PREX1: variants seen among roughly 807,000 people sequenced by gnomAD.
PREX1 encodes the protein phosphatidylinositol-3,4,5-trisphosphate dependent Rac exchange factor 1, also known as phosphatidylinositol 3,4,5-trisphosphate-dependent Rac exchanger 1 protein.
Under a neutral mutation model 198.3 loss-of-function variants are expected in PREX1, and 41 were observed. The observed-to-expected ratio is 0.21, with a 90% confidence interval of 0.16 to 0.27. PREX1 has a LOEUF of 0.27. Ranked by LOEUF, PREX1 falls within the 10% of genes least tolerant of loss-of-function variation. PREX1 has a pLI of 1.00. For missense variants in PREX1, 1,620 were observed against 2,200.7 expected (o/e 0.74, Z 5.28); for synonymous variants, 843 against 887.2 (o/e 0.95, Z 0.89).
Position 48,653,424 on chromosome 20 carries a change from G to A in PREX1, c.2283C>T (p.Asn761=), listed in dbSNP as rs757905308. The change falls in exon 20 of 40, where the codon AAC becomes AAT. Residue 761 remains asparagine (N), a synonymous_variant. Transcript: ENST00000371941. ...ILKVNGSNVM[N]DGAPEVLEHF... is the part of the protein sequence containing the mutation. Reference sequence around the variant, plus strand: ...GCTCCAGGACCTCAGGGGCACCATCGTTCATCACGTTGCTGCCATTGACCT... The same window carrying A: ...GCTCCAGGACCTCAGGGGCACCATCATTCATCACGTTGCTGCCATTGACCT... 5.6e-6 allele frequency: 9 copies of A among 1,613,740 alleles called. No homozygotes were observed. The highest frequency in any genetic ancestry group is 4.5e-5 in the East Asian group (2 of 44,894).
chr20:48,648,221 A>C (rs1326048348), intron 25 of PREX1, among the ~76,000 whole-genome samples: 1 of 152,206 alleles, frequency 6.6e-6, no homozygotes, highest in Non-Finnish European at 1.5e-5. Context: ...GGAGTATTTA[A>C]AACAAGTCCA....
chr20:48,797,763 G>A (rs753132503), intron 1 of PREX1, among the ~76,000 whole-genome samples: 3 of 152,170 alleles, frequency 2.0e-5, no homozygotes, highest in Non-Finnish European at 4.4e-5. Flanking sequence ...GCTCTGTCCC[G>A]ACTTTCCCGG....
intron 18 of PREX1, among the ~76,000 whole-genome samples, chr20:48,656,073 C>T (rs1050893593): frequency 7.2e-5 from 11 of 152,156 alleles, no homozygotes; most frequent in Non-Finnish European, 1.5e-4. Context: ...TTCCACATAC[C>T]AACCCATCGA....
Position 48,827,388 on chromosome 20 carries a change from C to T in PREX1, c.219+254G>A, listed in dbSNP as rs1170179436. 6.6e-6 allele frequency among the ~76,000 whole-genome samples: 1 copy of T among 152,204 alleles called. No individual in the cohort carries two copies. The highest frequency in any genetic ancestry group is 2.4e-5 in the African/African-American group (1 of 41,446). ...AAAGGCGGGGACGGGGAAGAAAAGA[C>T]AAAAGGGCAGCGCGCGCCGCGGGGA... On this transcript the variant is annotated intron_variant, in intron 1 of 39. Transcript: ENST00000371941. This position sits in a 1 kb window ranked among gnomAD's most constrained non-coding sequence, Gnocchi z 4.1.
intron 15 of PREX1, 59 bp from the exon 16 acceptor site, chr20:48,660,120 T>C: frequency 6.3e-7 from 1 of 1,599,292 alleles, no homozygotes; most frequent in Admixed American, 1.7e-5. Flanking sequence ...TTCAGCCATG[T>C]TTGCCAACTG....
chr20:48,729,601 G>A (rs769849351), intron 4 of PREX1, among the ~76,000 whole-genome samples: 1 of 152,114 alleles, frequency 6.6e-6, no homozygotes, highest in African/African-American at 2.4e-5. Context: ...CCAGTTGCTT[G>A]GGCCCAAAAC....
chr20:48,631,711 G>C (rs1000459357), intron 35 of PREX1, among the ~76,000 whole-genome samples: 8 of 152,200 alleles, frequency 5.3e-5, no homozygotes, highest in Non-Finnish European at 4.4e-5. Flanking sequence ...CTCTGTCACA[G>C]AGGGAGGTGG....
intron 4 of PREX1, among the ~76,000 whole-genome samples, chr20:48,733,313 T>G (rs1189340526): frequency 2.0e-5 from 3 of 152,186 alleles, no homozygotes; most frequent in African/African-American, 7.2e-5. Context: ...TAGGCTCTAT[T>G]GTATGGGTAG....
At chr20:48,725,968 C>T (rs549351825) in intron 5 of PREX1, among the ~76,000 whole-genome samples, 4 of 152,356 alleles carry the variant, frequency 2.6e-5, no homozygotes, top group Non-Finnish European at 5.9e-5. Flanking sequence ...ATGACCTTCC[C>T]CTGGCTGCAG....
intron 20 of PREX1, among the ~76,000 whole-genome samples, chr20:48,653,153 C>G (rs1174350437): frequency 6.6e-6 from 1 of 152,132 alleles, no homozygotes; most frequent in Non-Finnish European, 1.5e-5. Context: ...AAACCGAGAC[C>G]CCCGGGTATC....
the PREX1 span, among the ~76,000 whole-genome samples, chr20:48,864,118 C>T: frequency 0.12 from 18,106 of 152,194 alleles, 1,289 homozygotes; most frequent in Non-Finnish European, 0.16. Flanking sequence ...AGCAATGACA[C>T]ATGATCACTG....
chr20:48,867,814 T>C, the PREX1 span, among the ~76,000 whole-genome samples: 4 of 151,294 alleles, frequency 2.6e-5, no homozygotes, highest in South Asian at 2.1e-4. Context: ...AACAAACAAA[T>C]AAATAAATAA....
At chr20:48,690,856 C>A (rs2089815185) in intron 9 of PREX1, 91 bp downstream of exon 9, 1 of 1,559,454 alleles carries the variant, frequency 6.4e-7, no homozygotes, top group East Asian at 2.2e-5. Context: ...TGAAAAGGAC[C>A]CTATGCCCCT....
At position 48,657,937 on chromosome 20, in the gene PREX1, ACT is replaced by A. The variant is rs530562029; in HGVS notation, c.1974+197_1974+198del. ...AACACACCAGGAGCACAGCCCCGGG[ACT>A]CTGCACTCACTCCCAGCTACTGTAG... On this transcript the variant is annotated intron_variant, in intron 17 of 39. Coordinates refer to ENST00000371941, the MANE Select transcript of PREX1 (RefSeq NM_020820.4). Among the ~76,000 whole-genome samples the A allele has an allele frequency of 1.1e-3, 165 of 152,150 alleles. 1 individual carries two copies. The highest frequency in any genetic ancestry group is 3.9e-3 in the African/African-American group (161 of 41,498).
intron 1 of PREX1, among the ~76,000 whole-genome samples, chr20:48,775,571 G>A (rs1049262894): frequency 2.4e-4 from 36 of 152,188 alleles, no homozygotes; most frequent in Admixed American, 2.1e-3. Context: ...GGGGTGATAT[G>A]GTTTGGCTGT....
At chr20:48,660,993 C>G (rs549261891) in intron 15 of PREX1, among the ~76,000 whole-genome samples, 1 of 152,338 alleles carries the variant, frequency 6.6e-6, no homozygotes, top group East Asian at 1.9e-4. Flanking sequence ...TGGCACACAG[C>G]TACGGCCATT....
intron 15 of PREX1, among the ~76,000 whole-genome samples, chr20:48,664,710 C>A (rs939512364): frequency 6.6e-6 from 1 of 152,262 alleles, no homozygotes; most frequent in Non-Finnish European, 1.5e-5. Flanking sequence ...CCTCTAAACC[C>A]GCACGATCTG....
chr20:48,873,994 C>G, the PREX1 span, among the ~76,000 whole-genome samples: 2 of 152,146 alleles, frequency 1.3e-5, no homozygotes. Flanking sequence ...AGCAATCCTC[C>G]CATCTCAGCC....
rs1333132613 is a variant in PREX1, at chr20:48,624,278, A to G, written c.*1607T>C. 6.6e-6 allele frequency: 1 copy of G among 152,586 alleles called. No homozygotes were observed. The highest frequency in any genetic ancestry group is 1.5e-5 in the Non-Finnish European group (1 of 68,042). The allele number at this position is 152,586 out of a possible 1,614,324, so 9.5% of individuals were successfully genotyped here. A position where few individuals can be genotyped will look rare whatever the true frequency, so the allele number is the denominator to read the frequency against. On this transcript the variant is annotated 3_prime_UTR_variant, in exon 40 of 40. Coordinates refer to ENST00000371941, the MANE Select transcript of PREX1 (RefSeq NM_020820.4). The stretch of plus-strand genomic sequence containing the variant: ...TTGTATTATAAACTGACTTTTAATA[A>G]TAATAAAAAATCTATCAAGAATTTA...
Sources: gnomAD v4.1 joint callset for allele counts (sites outside exome capture counted in the v4.1 genomes callset) on GRCh38, gnomAD v4.1.1 for gene constraint, Gnocchi (gnomAD v3.1) non-coding constraint, MANE v1.5 for transcripts, NCBI Gene and HGNC (gene_info 2026-07-23, HGNC 2026-07-21) for gene names.